Variants in CAPN1 observed in about 807,000 individuals in gnomAD.
The protein encoded by CAPN1 is calpain-1 catalytic subunit.
CAPN1 carries 77 observed loss-of-function variants against 105.2 expected under a neutral mutation model. That is an observed-to-expected ratio of 0.73 (90% CI 0.61 to 0.88). CAPN1 has a LOEUF of 0.88. Ranked by LOEUF, CAPN1 falls within the 40% of genes least tolerant of loss-of-function variation. CAPN1 has a pLI of 0.00. For synonymous variants in CAPN1, 355 were observed against 388.8 expected, an observed-to-expected ratio of 0.91 and a Z score of 1.02; for missense variants, 833 against 976.6, an observed-to-expected ratio of 0.85 and a Z score of 1.96.
chr11:65,184,934 T>A (rs1011244613), intron 4 of CAPN1, among the ~76,000 whole-genome samples: 2 of 152,164 alleles, frequency 1.3e-5, no homozygotes, highest in Non-Finnish European at 2.9e-5. Context: ...CGATAACTTT[T>A]CCAGGATCAT....
At position 65,210,115 on chromosome 11, in the gene CAPN1, C is replaced by G; in HGVS notation, c.1942+19C>G. ...TCGGCAGGTGAGACTCCAAGGCTGA[C>G]GGCACCTGTGGGGCCCAGGACAGGT... On this transcript the variant is annotated intron_variant, in intron 19 of 21. Coordinates refer to ENST00000279247, the MANE Select transcript of CAPN1 (RefSeq NM_005186.4). The surrounding 1 kb of genome is among the most constrained non-coding windows in gnomAD (Gnocchi z 4.3). 1.9e-6 allele frequency: 3 copies of G among 1,603,968 alleles called. No individual in the cohort carries two copies. The highest frequency in any genetic ancestry group is 2.6e-6 in the Non-Finnish European group (3 of 1,172,350).
rs1948623702 is a variant in CAPN1 at position 65,185,851 on chromosome 11, G to T, written c.457-66G>T. On this transcript the variant is annotated intron_variant, in intron 4 of 21. Coordinates refer to ENST00000279247, the MANE Select transcript of CAPN1 (RefSeq NM_005186.4). ...TAGAATCCTGCATCTAGGAAGGTAG[G>T]GGTAAGGATGGAGCTCAGGTCCGGG... is the stretch of plus-strand genomic sequence containing the variant. The T allele has an allele frequency of 2.7e-6, 4 of 1,506,884 alleles. No homozygotes were observed. In the South Asian group the frequency reaches 4.9e-5, roughly 19 times the overall value. The allele number at this position is 1,506,884 out of a possible 1,614,324, so 93.3% of individuals were successfully genotyped here. A position where few individuals can be genotyped will look rare whatever the true frequency, so the allele number is the denominator to read the frequency against.
Position 65,183,470 on chromosome 11 carries a change from C to A in CAPN1, c.338-4C>A. ...CAGGCTAATGTGCATCCCTCCTGCC[C>A]CAGGGGACTGCTGGCTCTTGGCGGC... On this transcript the variant is annotated splice_region_variant and splice_polypyrimidine_tract_variant and intron_variant, in intron 3 of 21. Coordinates refer to ENST00000279247, the MANE Select transcript of CAPN1 (RefSeq NM_005186.4). 1 of 1,608,342 alleles carries A rather than the reference C, an allele frequency of 6.2e-7. No homozygotes were observed. The highest frequency in any genetic ancestry group is 1.3e-5 in the African/African-American group (1 of 74,996).
At chr11:65,197,160 T>C (rs1948802728) in intron 10 of CAPN1, among the ~76,000 whole-genome samples, 1 of 152,204 alleles carries the variant, frequency 6.6e-6, no homozygotes, top group African/African-American at 2.4e-5. Context: ...ACTAGGGGGA[T>C]TGTTCTATAA....
At chr11:65,201,754 G>A (rs1383156163) in intron 10 of CAPN1, among the ~76,000 whole-genome samples, 2 of 146,044 alleles carry the variant, frequency 1.4e-5, no homozygotes, top group Non-Finnish European at 3.0e-5. Context: ...TCCTGACCTC[G>A]TGATCCGCCC....
rs1219948133 is a variant in CAPN1 at position 65,188,589 on chromosome 11, GTCATTCCGAGACTTCATGCGGGAGT to G, written c.1012_1036del (p.Phe338ProfsTer48). ...ACCTGTGTACCTCCCACCTCAGGAT[GTCATTCCGAGACTTCATGCGGGAGT>G]TCACCCGCCTGGAGATCTGCAACCT... On this transcript the variant is annotated frameshift_variant, in exon 10 of 22. Transcript: ENST00000279247. LOFTEE classifies it high-confidence loss of function. The surrounding 1 kb of genome is among the most constrained non-coding windows in gnomAD (Gnocchi z 5.5). 1 of 1,613,852 alleles carries G rather than the reference GTCATTCCGAGACTTCATGCGGGAGT, an allele frequency of 6.2e-7. No individual in the cohort carries two copies.
chr11:65,182,487 G>A, intron 1 of CAPN1: 2 of 539,794 alleles, frequency 3.7e-6, no homozygotes, highest in East Asian at 3.0e-5. Flanking sequence ...AGAGGTGGCC[G>A]GCACGCCTGG....
intron 4 of CAPN1, among the ~76,000 whole-genome samples, chr11:65,183,870 T>A (rs1948591371): frequency 6.6e-6 from 1 of 152,030 alleles, no homozygotes; most frequent in African/African-American, 2.4e-5. Flanking sequence ...CAAATTCCAC[T>A]CCTCCCGGAG....
intron 21 of CAPN1, 175 bp from the exon 22 acceptor site, chr11:65,211,085 A>G (rs1424857846): frequency 1.3e-5 from 10 of 778,808 alleles, no homozygotes; most frequent in South Asian, 3.2e-5. Context: ...GGAGGCCCCT[A>G]TGGGAGCAGC....
At chr11:65,183,245 C>T in intron 3 of CAPN1, 48 bp downstream of exon 3, 4 of 1,542,848 alleles carry the variant, frequency 2.6e-6, no homozygotes, top group East Asian at 2.2e-5. Flanking sequence ...CACAGTAGTT[C>T]CCCATTCCCG....
In CAPN1 at chr11:65,188,411, C is replaced by A; in HGVS notation, c.930-3C>A. ...AGCCCTGGCAGAGCCCTGCTCCTCA[C>A]AGCTCCTCAGAGTGGAACAACGTGG... On this transcript the variant is annotated splice_region_variant and splice_polypyrimidine_tract_variant and intron_variant, in intron 8 of 21. Transcript: ENST00000279247. The surrounding 1 kb of genome is among the most constrained non-coding windows in gnomAD (Gnocchi z 5.5). The A allele has an allele frequency of 6.2e-7, 1 of 1,608,880 alleles. No homozygotes were observed. The highest frequency in any genetic ancestry group is 8.5e-7 in the Non-Finnish European group (1 of 1,177,590).
At position 65,211,419 on chromosome 11, in the gene CAPN1, G is replaced by A. The variant is rs1565426906; in HGVS notation, c.*133G>A. The A allele has an allele frequency of 6.3e-6, 5 of 793,648 alleles. No homozygotes were observed. In the Admixed American group the frequency reaches 1.0e-4, roughly 16 times the overall value. The allele number at this position is 793,648 out of a possible 1,614,324, so 49.2% of individuals were successfully genotyped here. A position where few individuals can be genotyped will look rare whatever the true frequency, so the allele number is the denominator to read the frequency against. On this transcript the variant is annotated 3_prime_UTR_variant, in exon 22 of 22. Coordinates refer to ENST00000279247, the MANE Select transcript of CAPN1 (RefSeq NM_005186.4). ...AGCAGAGAGGCAGCCTCGTCCTCCT[G>A]TCCCCTCTCCTCCCAGCCACCATCG...
At position 65,205,738 on chromosome 11, in the gene CAPN1, G is replaced by C. The variant is rs1490724929; in HGVS notation, c.1353+17G>C. 4 of 1,612,906 alleles carry C rather than the reference G, an allele frequency of 2.5e-6. No individual in the cohort carries two copies. In the South Asian group the frequency reaches 4.4e-5, roughly 18 times the overall value. On this transcript the variant is annotated intron_variant, in intron 12 of 21. Transcript: ENST00000279247. The stretch of plus-strand genomic sequence containing the variant: ...CCTCCGGAGGTAGGTGTGGCACCAT[G>C]ACCCACCTGCAGTCACACACCCCTG...
At chr11:65,186,493 AC>A (rs1464095507) in intron 6 of CAPN1, among the ~76,000 whole-genome samples, 155 bp downstream of exon 6, 2 of 148,742 alleles carry the variant, frequency 1.3e-5, no homozygotes, top group African/African-American at 2.5e-5. Context: ...CATCACTTCC[AC>A]CCCCCATGCC....
intron 14 of CAPN1, among the ~76,000 whole-genome samples, chr11:65,207,199 CTTTTTT>C (rs34786351): frequency 1.8e-5 from 2 of 113,358 alleles, no homozygotes; most frequent in African/African-American, 3.6e-5. Flanking sequence ...AAACTCTTGC[CTTTTTT>C]TTTTTTTTTT....
chr11:65,181,731 T>C (rs1322977810), upstream of CAPN1: 3 of 251,406 alleles, frequency 1.2e-5, no homozygotes, highest in Admixed American at 1.8e-4. The surrounding 1 kb of genome is among the most constrained non-coding windows in gnomAD (Gnocchi z 4.6). Flanking sequence ...TACTAATTTG[T>C]CCTCTCGCGG....
At chr11:65,185,879 A>T (rs1340407407) in intron 4 of CAPN1, 38 bp from the exon 5 acceptor site, 1 of 1,556,974 alleles carries the variant, frequency 6.4e-7, no homozygotes, top group African/African-American at 1.4e-5. Context: ...GGTCCGGGGG[A>T]TTCCAAAGCA....
chr11:65,210,909 T>G lies in CAPN1; in HGVS notation c.2118+37T>G, dbSNP rs1174754215. 6.5e-7 allele frequency: 1 copy of G among 1,543,862 alleles called. No individual in the cohort carries two copies. The highest frequency in any genetic ancestry group is 1.1e-5 in the South Asian group (1 of 89,628). ...CCTGGGCCCATGGTTGGGGAAGAGT[T>G]CCAGGCGATCGAATTTTCTTATCTG... On this transcript the variant is annotated intron_variant, in intron 21 of 21. Coordinates refer to ENST00000279247, the MANE Select transcript of CAPN1 (RefSeq NM_005186.4). This position sits in a 1 kb window ranked among gnomAD's most constrained non-coding sequence, Gnocchi z 4.3.
Position 65,187,205 on chromosome 11 carries a change from C to G in CAPN1, c.760-10C>G. ...TAGCCACTGACCACAGTGTGTGCCT[C>G]TTTCTGCAGATCTCCAGCGTTCTAG... On this transcript the variant is annotated splice_polypyrimidine_tract_variant and intron_variant, in intron 6 of 21. Coordinates refer to ENST00000279247, the MANE Select transcript of CAPN1 (RefSeq NM_005186.4). 1.2e-6 allele frequency: 2 copies of G among 1,609,198 alleles called. No homozygotes were observed. The highest frequency in any genetic ancestry group is 8.5e-7 in the Non-Finnish European group (1 of 1,177,162).
Sources: gnomAD v4.1 joint callset for allele counts (sites outside exome capture counted in the v4.1 genomes callset) on GRCh38, gnomAD v4.1.1 for gene constraint, Gnocchi (gnomAD v3.1) non-coding constraint, MANE v1.5 for transcripts, NCBI Gene and HGNC (gene_info 2026-07-23, HGNC 2026-07-21) for gene names.